The following SLC11A2 variants were observed in gnomAD, a reference collection of about 807,000 sequenced individuals.
SLC11A2 encodes the protein solute carrier family 11 member 2.
In SLC11A2, 38 loss-of-function variants were observed where a neutral mutation model predicts 68.0. That is an observed-to-expected ratio of 0.56 (90% CI 0.43 to 0.73). The LOEUF is 0.73. SLC11A2 is among the 30% of genes least tolerant of loss of function. The pLI is 0.00. For synonymous variants in SLC11A2, 242 were observed against 250.6 expected, an observed-to-expected ratio of 0.97 and a Z score of 0.32; for missense variants, 517 against 690.5, an observed-to-expected ratio of 0.75 and a Z score of 2.82.
chr12:50,972,351 A>G, the SLC11A2 span, among the ~76,000 whole-genome samples: 1 of 152,248 alleles, frequency 6.6e-6, no homozygotes, highest in Non-Finnish European at 1.5e-5. Flanking sequence ...AGCAATGCTA[A>G]GTATTCATTT....
intron 1 of SLC11A2, 84 bp downstream of exon 1, chr12:51,026,226 C>T: frequency 8.2e-7 from 1 of 1,225,344 alleles, no homozygotes; most frequent in Non-Finnish European, 1.0e-6. Context: ...GAGCCTGACC[C>T]CCGACACAGG....
At chr12:50,960,805 C>A in the SLC11A2 span, among the ~76,000 whole-genome samples, 6 of 151,986 alleles carry the variant, frequency 3.9e-5, no homozygotes, top group South Asian at 6.2e-4. Flanking sequence ...GCCTCAGCCT[C>A]CTGAGTAGCT....
At chr12:50,955,475 G>A in the SLC11A2 span, among the ~76,000 whole-genome samples, 1 of 152,120 alleles carries the variant, frequency 6.6e-6, no homozygotes, top group African/African-American at 2.4e-5. Flanking sequence ...AGCCATGCCT[G>A]TTTCCTTGTG....
At chr12:50,993,852 G>A (rs1941427722) in intron 11 of SLC11A2, among the ~76,000 whole-genome samples, 1 of 151,238 alleles carries the variant, frequency 6.6e-6, no homozygotes, top group Non-Finnish European at 1.5e-5. Flanking sequence ...AAATAGCCAA[G>A]CATGGTGGTG....
rs575495762 is a variant in SLC11A2, at chr12:50,985,993, T to A, written c.*2332A>T. ...TAAAAAAATACCCAGGAAACCAAAT[T>A]GGAAAAAGAAATTTTTTTTTAATTA... On this transcript the variant is annotated 3_prime_UTR_variant, in exon 16 of 16. Transcript: ENST00000262052. 1.4e-4 allele frequency: 160 copies of A among 1,150,076 alleles called. 1 individual carries two copies. The highest frequency in any genetic ancestry group is 1.6e-4 in the Non-Finnish European group (152 of 921,788). 71.2% of individuals were successfully genotyped at this position (1,150,076 alleles called of 1,614,324 possible). A position where few individuals can be genotyped will look rare whatever the true frequency, so the allele number is the denominator to read the frequency against.
intron 1 of SLC11A2, among the ~76,000 whole-genome samples, chr12:51,023,554 A>G (rs1428399870): frequency 6.6e-6 from 1 of 152,146 alleles, no homozygotes; most frequent in Non-Finnish European, 1.5e-5. Flanking sequence ...TTTTTCCCAG[A>G]ATGTTTTACT....
At chr12:51,011,109 G>A (rs1454590132) in intron 1 of SLC11A2, among the ~76,000 whole-genome samples, 1 of 148,838 alleles carries the variant, frequency 6.7e-6, no homozygotes, top group Non-Finnish European at 1.5e-5. Context: ...GTATTTTAGT[G>A]AGACAGCAAA....
chr12:50,985,372 CTG>C (rs1940443363), downstream of SLC11A2, among the ~76,000 whole-genome samples: 2 of 152,308 alleles, frequency 1.3e-5, no homozygotes, highest in South Asian at 4.1e-4. Context: ...ATGAATTCCA[CTG>C]TGTTACTCAC....
chr12:51,022,726 T>C (rs1177543871), intron 1 of SLC11A2, among the ~76,000 whole-genome samples: 3 of 152,224 alleles, frequency 2.0e-5, no homozygotes, highest in African/African-American at 7.2e-5. Context: ...AACAAGCCTC[T>C]TTCTGCTCTT....
chr12:51,015,021 G>A (rs1289587884), intron 1 of SLC11A2, among the ~76,000 whole-genome samples: 4 of 150,884 alleles, frequency 2.7e-5, no homozygotes, highest in Admixed American at 6.6e-5. Flanking sequence ...GTTAGCCAGC[G>A]TGGTGGCGCA....
intron 1 of SLC11A2, among the ~76,000 whole-genome samples, chr12:51,017,290 T>C (rs1358978051): frequency 1.3e-5 from 2 of 152,194 alleles, no homozygotes; most frequent in African/African-American, 4.8e-5. Flanking sequence ...CAGAATACCA[T>C]GCAACCACTA....
At chr12:51,002,482 T>C (rs1942334325) in intron 5 of SLC11A2, among the ~76,000 whole-genome samples, 2 of 150,828 alleles carry the variant, frequency 1.3e-5, no homozygotes, top group Non-Finnish European at 3.0e-5. Flanking sequence ...CTACTAAAAA[T>C]ACAAAAATTA....
At chr12:51,015,072 A>C (rs1181261974) in intron 1 of SLC11A2, among the ~76,000 whole-genome samples, 3 of 152,090 alleles carry the variant, frequency 2.0e-5, no homozygotes, top group Non-Finnish European at 4.4e-5. Flanking sequence ...AAGCGGGAGA[A>C]TCGCTTGAAC....
the SLC11A2 span, among the ~76,000 whole-genome samples, chr12:50,956,723 A>G: frequency 6.6e-6 from 1 of 152,176 alleles, no homozygotes; most frequent in African/African-American, 2.4e-5. Flanking sequence ...TTTTATAGCA[A>G]TGGCAGTTTT....
At chr12:50,965,283 T>C in the SLC11A2 span, among the ~76,000 whole-genome samples, 2 of 147,786 alleles carry the variant, frequency 1.4e-5, no homozygotes, top group Non-Finnish European at 3.0e-5. Context: ...CTGGCTAATT[T>C]TTAATTTTTT....
the SLC11A2 span, among the ~76,000 whole-genome samples, chr12:50,971,245 C>T: frequency 6.6e-6 from 1 of 151,022 alleles, no homozygotes; most frequent in South Asian, 2.1e-4. Flanking sequence ...CCAAATAGGG[C>T]AAAGTAATTA....
chr12:51,009,077 C>G, intron 2 of SLC11A2: 10 of 1,167,284 alleles, frequency 8.6e-6, no homozygotes, highest in Non-Finnish European at 1.2e-5. Context: ...GCCTGTCTAG[C>G]GAAATGTCCT....
rs766970834 is a variant in SLC11A2 at position 50,987,707 on chromosome 12, T to G, written c.*618A>C. ...TTTTGTTAGTTGTCAGTTTTTCCCC[T>G]TCTTTGTTTTCTCACCCCTCTTAAC... On this transcript the variant is annotated 3_prime_UTR_variant, in exon 16 of 16. Coordinates refer to ENST00000262052, the MANE Select transcript of SLC11A2 (RefSeq NM_000617.3). 1.6e-5 allele frequency: 20 copies of G among 1,287,030 alleles called. 1 individual carries two copies. The Admixed American group carries it at 4.6e-4, about 30-fold the overall frequency. 79.7% of individuals were successfully genotyped at this position (1,287,030 alleles called of 1,614,324 possible).
chr12:50,981,626 G>A, downstream of SLC11A2: 1 of 795,384 alleles, frequency 1.3e-6, no homozygotes, highest in Non-Finnish European at 2.1e-6. Flanking sequence ...CAAAACGTCT[G>A]AACAAAACTC....
Sources: allele counts gnomAD v4.1 joint callset (sites outside exome capture counted in the v4.1 genomes callset), GRCh38; gene constraint gnomAD v4.1.1; transcripts MANE v1.5; gene names NCBI Gene and HGNC (gene_info 2026-07-23, HGNC 2026-07-21).